The following KCNMB2 variants were observed in gnomAD, a reference collection of about 807,000 sequenced individuals.
The protein encoded by KCNMB2 is calcium-activated potassium channel subunit beta-2.
In KCNMB2, 9 loss-of-function variants were observed where a neutral mutation model predicts 24.5. That is an observed-to-expected ratio of 0.37 (90% CI 0.22 to 0.64). The LOEUF (loss-of-function observed/expected upper bound fraction) is 0.64. Ranked by LOEUF, KCNMB2 falls within the 30% of genes least tolerant of loss-of-function variation. The probability of loss-of-function intolerance (pLI) is 0.63; values close to 1 mark genes in which losing one functional copy is unlikely to be tolerated. For missense variants in KCNMB2, 226 were observed against 284.3 expected (o/e 0.79, Z 1.47); for synonymous variants, 109 against 104.4 (o/e 1.04, Z -0.27).
At chr3:178,827,919 A>G (rs1714896121) in intron 3 of KCNMB2, among the ~76,000 whole-genome samples, 1 of 152,230 alleles carries the variant, frequency 6.6e-6, no homozygotes, top group Non-Finnish European at 1.5e-5. Context: ...GGGAAAAAAG[A>G]ACTTAAGTCA....
intron 1 of KCNMB2, among the ~76,000 whole-genome samples, chr3:178,617,996 T>C (rs541355094): frequency 6.6e-6 from 1 of 150,796 alleles, no homozygotes; most frequent in East Asian, 2.0e-4. Flanking sequence ...TAGACAAAAA[T>C]CATATGCAGA....
At chr3:178,793,680 G>A (rs945817152) in intron 1 of KCNMB2, among the ~76,000 whole-genome samples, 1 of 152,104 alleles carries the variant, frequency 6.6e-6, no homozygotes, top group Non-Finnish European at 1.5e-5. Flanking sequence ...AGCAGAAGAC[G>A]ATTAAGAAGG....
chr3:178,762,689 A>T (rs1192495771), intron 1 of KCNMB2, among the ~76,000 whole-genome samples: 1 of 152,198 alleles, frequency 6.6e-6, no homozygotes, highest in East Asian at 1.9e-4. Context: ...GGTAATGAAG[A>T]GAAATGAACT....
chr3:178,754,148 T>TTGTGTATA (rs1360224418), intron 1 of KCNMB2, among the ~76,000 whole-genome samples: 3 of 85,180 alleles, frequency 3.5e-5, no homozygotes, highest in African/African-American at 1.6e-4. Flanking sequence ...TAATATTCCA[T>TTGTGTATA]TGTATATATA....
intron 1 of KCNMB2, among the ~76,000 whole-genome samples, chr3:178,704,839 T>C (rs1354339564): frequency 6.6e-6 from 1 of 152,170 alleles, no homozygotes; most frequent in Non-Finnish European, 1.5e-5. Flanking sequence ...TTAAATGCTA[T>C]GAATAAATGG....
intron 1 of KCNMB2, among the ~76,000 whole-genome samples, chr3:178,756,881 A>T (rs898084980): frequency 6.6e-6 from 1 of 152,162 alleles, no homozygotes; most frequent in African/African-American, 2.4e-5. Flanking sequence ...CATAATGCAC[A>T]TCACAGCTTT....
chr3:178,740,993 T>C (rs949158874), intron 1 of KCNMB2, among the ~76,000 whole-genome samples: 1 of 152,134 alleles, frequency 6.6e-6, no homozygotes, highest in Non-Finnish European at 1.5e-5. Flanking sequence ...GTATAAGGCT[T>C]AGAGGCAAGG....
chr3:178,771,757 T>C lies in KCNMB2; in HGVS notation c.-67-35586T>C, dbSNP rs144561467. Among the ~76,000 whole-genome samples the C allele has an allele frequency of 4.3e-4, 66 of 152,248 alleles. No homozygotes were observed. The East Asian group carries it at 0.012, about 28-fold the overall frequency. On this transcript the variant is annotated intron_variant, in intron 1 of 4. Coordinates refer to ENST00000452583, the MANE Select transcript of KCNMB2 (RefSeq NM_181361.3). The stretch of plus-strand genomic sequence containing the variant: ...ATCACCTCAGGGTCTACATTTGCCA[T>C]TCGCCTGCCTTGAATGGGAAATCTA...
intron 1 of KCNMB2, among the ~76,000 whole-genome samples, chr3:178,731,729 C>A (rs897607557): frequency 6.6e-6 from 1 of 152,066 alleles, no homozygotes; most frequent in Non-Finnish European, 1.5e-5. Flanking sequence ...CATGGTGAAA[C>A]CTTATCTCTA....
chr3:178,614,277 A>ATATATATATATATGTATATG (rs1718612771), intron 1 of KCNMB2, among the ~76,000 whole-genome samples: 3 of 101,334 alleles, frequency 3.0e-5, no homozygotes, highest in African/African-American at 1.1e-4. Flanking sequence ...ATATATATAT[A>ATATATATATATATGTATATG]TATATATATA....
chr3:178,592,217 A>C (rs1717700893), intron 1 of KCNMB2, among the ~76,000 whole-genome samples: 1 of 152,190 alleles, frequency 6.6e-6, no homozygotes, highest in Non-Finnish European at 1.5e-5. Context: ...TTCAGGCTAC[A>C]TAATGTGTGA....
intron 2 of KCNMB2, among the ~76,000 whole-genome samples, chr3:178,815,823 T>C (rs1282997083): frequency 1.3e-5 from 2 of 152,110 alleles, no homozygotes; most frequent in Non-Finnish European, 1.5e-5. Context: ...ATTTATGTAA[T>C]AGATTACATT....
intron 1 of KCNMB2, among the ~76,000 whole-genome samples, chr3:178,750,413 A>G (rs1723805195): frequency 6.6e-6 from 1 of 152,206 alleles, no homozygotes; most frequent in South Asian, 2.1e-4. Context: ...ACAAAACAAA[A>G]AAACACTGCT....
intron 1 of KCNMB2, among the ~76,000 whole-genome samples, chr3:178,785,388 A>G (rs574321366): frequency 4.7e-4 from 72 of 152,150 alleles, no homozygotes; most frequent in Admixed American, 9.8e-4. Context: ...AATATTATAC[A>G]GTAATAACAA....
chr3:178,777,958 T>C (rs1480824514), intron 1 of KCNMB2, among the ~76,000 whole-genome samples: 1 of 152,176 alleles, frequency 6.6e-6, no homozygotes, highest in Non-Finnish European at 1.5e-5. Context: ...CCCAGCTCCA[T>C]GATTCATCGT....
intron 1 of KCNMB2, among the ~76,000 whole-genome samples, chr3:178,577,525 G>A (rs1305507402): frequency 6.6e-6 from 1 of 152,170 alleles, no homozygotes; most frequent in Non-Finnish European, 1.5e-5. Context: ...TGAGTTTGAT[G>A]AATTGACAGA....
At chr3:178,537,827 A>G (rs974217855) in intron 1 of KCNMB2, among the ~76,000 whole-genome samples, 3 of 152,156 alleles carry the variant, frequency 2.0e-5, no homozygotes, top group African/African-American at 7.2e-5. Flanking sequence ...AGCTGTAAAG[A>G]TGTTGCTTTA....
intron 1 of KCNMB2, among the ~76,000 whole-genome samples, chr3:178,743,336 C>T (rs1408573472): frequency 2.0e-5 from 3 of 152,182 alleles, no homozygotes; most frequent in African/African-American, 7.2e-5. Context: ...CGATGGTAAC[C>T]TATCATGGCC....
intron 4 of KCNMB2, among the ~76,000 whole-genome samples, chr3:178,830,582 G>A (rs755051564): frequency 1.3e-5 from 2 of 152,140 alleles, no homozygotes; most frequent in Non-Finnish European, 2.9e-5. Flanking sequence ...CCAACCCTAT[G>A]GGTATGAGAG....
Sources: gnomAD v4.1 joint callset for allele counts (sites outside exome capture counted in the v4.1 genomes callset) on GRCh38, gnomAD v4.1.1 for gene constraint, MANE v1.5 for transcripts, NCBI Gene and HGNC (gene_info 2026-07-23, HGNC 2026-07-21) for gene names.